Variants in SLC35F4 observed in about 807,000 individuals in gnomAD.
SLC35F4 encodes chromosome 14 open reading frame 36.
A neutral mutation model predicts 44.2 loss-of-function variants in SLC35F4; 24 were observed. That is an observed-to-expected ratio of 0.54 (90% CI 0.39 to 0.76). The LOEUF is 0.76. Ranked by LOEUF, SLC35F4 falls within the 30% of genes least tolerant of loss-of-function variation. SLC35F4 has a pLI of 0.00. For missense variants in SLC35F4, 562 were observed against 586.1 expected, an observed-to-expected ratio of 0.96 and a Z score of 0.42; for synonymous variants, 238 against 223.6, an observed-to-expected ratio of 1.06 and a Z score of -0.57.
chr14:57,745,087 G>A (rs1030902185), intron 1 of SLC35F4, among the ~76,000 whole-genome samples: 7 of 152,108 alleles, frequency 4.6e-5, no homozygotes, highest in Non-Finnish European at 1.0e-4. Context: ...TTAATTCAAG[G>A]TGGATTAAAG....
intron 1 of SLC35F4, among the ~76,000 whole-genome samples, chr14:57,951,228 T>G (rs1379464766): frequency 1.3e-5 from 2 of 152,134 alleles, no homozygotes; most frequent in African/African-American, 4.8e-5. Context: ...TGAGGGACTG[T>G]GCTGTGAGGA....
chr14:57,963,045 G>C (rs1890367458), intron 1 of SLC35F4, among the ~76,000 whole-genome samples: 1 of 152,198 alleles, frequency 6.6e-6, no homozygotes, highest in African/African-American at 2.4e-5. Context: ...CAGGTTGCAA[G>C]TGTCAAAAAT....
Position 57,589,329 on chromosome 14 carries a change from G to T in SLC35F4, c.474C>A (p.Cys158Ter). The part of the protein sequence containing the change: ...IVKITYKNFY[C>*]PFFMTWFSTN... ...TTGAAAACCAAGTCATGAAAAATGG[G>T]CAATAGAAGTTCTTATAAGTAATTT... Residue 158 changes from cysteine (C) to a stop codon, truncating the protein, a stop_gained, in exon 3 of 8, where the codon TGC becomes TGA. Coordinates refer to ENST00000556826, the MANE Select transcript of SLC35F4 (RefSeq NM_001306087.2). LOFTEE classifies it high-confidence loss of function. The T allele has an allele frequency of 6.2e-7, 1 of 1,613,932 alleles. No individual in the cohort carries two copies. Among genetic ancestry groups the T allele is most frequent in the Non-Finnish European group, 8.5e-7 (1 of 1,179,878 alleles).
intron 1 of SLC35F4, among the ~76,000 whole-genome samples, chr14:57,844,098 G>A (rs898839182): frequency 3.9e-5 from 6 of 152,106 alleles, no homozygotes; most frequent in African/African-American, 1.4e-4. Flanking sequence ...AAGGTAAATA[G>A]TTACCTACCC....
intron 1 of SLC35F4, among the ~76,000 whole-genome samples, chr14:57,943,450 T>C (rs1190162828): frequency 1.3e-5 from 2 of 152,186 alleles, no homozygotes; most frequent in African/African-American, 4.8e-5. Flanking sequence ...AGAGAAACTT[T>C]ATATCATTTG....
At chr14:57,849,127 C>G (rs779315425) in intron 1 of SLC35F4, among the ~76,000 whole-genome samples, 6 of 152,170 alleles carry the variant, frequency 3.9e-5, no homozygotes, top group African/African-American at 7.2e-5. Context: ...GTCCTTCACT[C>G]TAGAATATAA....
intron 1 of SLC35F4, among the ~76,000 whole-genome samples, chr14:57,964,951 T>C (rs1396493279): frequency 2.8e-5 from 4 of 143,828 alleles, no homozygotes; most frequent in Non-Finnish European, 4.5e-5. Flanking sequence ...TTGTCTTTCA[T>C]AATGATTAAT....
rs1181673239 is a variant in SLC35F4 at position 57,705,877 on chromosome 14, T to C, written c.104-111753A>G. Among the ~76,000 whole-genome samples, 4 of 152,172 alleles carry C rather than the reference T, an allele frequency of 2.6e-5. 1 individual carries two copies. The highest frequency in any genetic ancestry group is 5.9e-5 in the Non-Finnish European group (4 of 68,034). On this transcript the variant is annotated intron_variant, in intron 1 of 7. Coordinates refer to ENST00000556826, the MANE Select transcript of SLC35F4 (RefSeq NM_001306087.2). ...GTTTCCTCGAAGTTAGTTTTTTTTC[T>C]CCCTAACTAGAGGTTAGAAGAGTTG...
intron 1 of SLC35F4, among the ~76,000 whole-genome samples, chr14:57,721,895 C>G (rs753291600): frequency 2.6e-5 from 4 of 152,116 alleles, no homozygotes; most frequent in Non-Finnish European, 4.4e-5. Context: ...GATGGCCCCC[C>G]CTGAGGCAGT....
intron 1 of SLC35F4, among the ~76,000 whole-genome samples, chr14:57,820,702 T>C (rs1053706373): frequency 1.3e-5 from 2 of 152,216 alleles, no homozygotes; most frequent in Non-Finnish European, 2.9e-5. Context: ...ATAAAACTTC[T>C]CAAGGTTTAG....
intron 1 of SLC35F4, among the ~76,000 whole-genome samples, chr14:57,909,302 G>A (rs1220192228): frequency 6.6e-6 from 1 of 151,998 alleles, no homozygotes; most frequent in Non-Finnish European, 1.5e-5. Context: ...AAAATCCATA[G>A]TTTACATTAC....
At chr14:57,732,393 G>A (rs370652951) in intron 1 of SLC35F4, among the ~76,000 whole-genome samples, 2 of 152,042 alleles carry the variant, frequency 1.3e-5, no homozygotes, top group African/African-American at 4.8e-5. Flanking sequence ...ATGCAAACTA[G>A]AAAAAAATGC....
intron 1 of SLC35F4, among the ~76,000 whole-genome samples, chr14:57,831,053 TC>T (rs1341320245): frequency 6.6e-6 from 1 of 152,128 alleles, no homozygotes; most frequent in Non-Finnish European, 1.5e-5. Flanking sequence ...TTTATCATCT[TC>T]TCTCTCAACT....
rs139462897 is a variant in SLC35F4 at position 57,913,083 on chromosome 14, C to T, written n.282+68830G>A. Among the ~76,000 whole-genome samples, 1,418 of 152,160 alleles carry T rather than the reference C, an allele frequency of 9.3e-3. 27 individuals carry two copies. Among genetic ancestry groups the T allele is most frequent in the African/African-American group, 0.032 (1,330 of 41,542 alleles). On this transcript the variant is annotated intron_variant and non_coding_transcript_variant, in intron 1 of 1. Coordinates refer to the SLC35F4 transcript ENST00000556568. The stretch of plus-strand genomic sequence containing the variant: ...GTTCTGTGGAAAATTAATGTACCCA[C>T]TACCACTTTCTTTTCATTACTGTTA...
chr14:57,794,930 T>G (rs2078019667), intron 1 of SLC35F4, among the ~76,000 whole-genome samples: 1 of 152,184 alleles, frequency 6.6e-6, no homozygotes, highest in African/African-American at 2.4e-5. Flanking sequence ...ATCTTGAAGA[T>G]GCTGGTGGAA....
At chr14:57,965,319 A>T (rs996174069) in intron 1 of SLC35F4, among the ~76,000 whole-genome samples, 21 of 148,306 alleles carry the variant, frequency 1.4e-4, no homozygotes, top group African/African-American at 4.9e-4. Context: ...TTCACCTTGC[A>T]TCATTCACAT....
At chr14:57,944,971 A>G (rs746808140) in intron 1 of SLC35F4, among the ~76,000 whole-genome samples, 1 of 152,102 alleles carries the variant, frequency 6.6e-6, no homozygotes, top group African/African-American at 2.4e-5. Context: ...TGCCTGCCCA[A>G]CCTTGGGCTG....
chr14:57,949,738 A>C (rs1358512825), intron 1 of SLC35F4, among the ~76,000 whole-genome samples: 1 of 152,140 alleles, frequency 6.6e-6, no homozygotes, highest in Non-Finnish European at 1.5e-5. Flanking sequence ...GAATTCTCTT[A>C]GCATTTGTTT....
At chr14:57,715,686 ATGAGCATC>A (rs2075922012) in intron 1 of SLC35F4, among the ~76,000 whole-genome samples, 1 of 152,204 alleles carries the variant, frequency 6.6e-6, no homozygotes, top group South Asian at 2.1e-4. Context: ...GGCCATTGAA[ATGAGCATC>A]TGGCACTTAG....
Sources: gnomAD v4.1 joint callset for allele counts (sites outside exome capture counted in the v4.1 genomes callset) on GRCh38, gnomAD v4.1.1 for gene constraint, MANE v1.5 for transcripts, NCBI Gene and HGNC (gene_info 2026-07-23, HGNC 2026-07-21) for gene names.